The following CD2AP variants were observed in gnomAD, a reference collection of about 807,000 sequenced individuals.
The protein encoded by CD2AP is CD2-associated protein.
CD2AP carries 46 observed loss-of-function variants against 85.1 expected under a neutral mutation model. That is an observed-to-expected ratio of 0.54 (90% CI 0.43 to 0.69). The LOEUF is 0.69. Among genes scored for constraint, CD2AP ranks in the 30% least tolerant of loss-of-function variants. The pLI is 0.00. For missense variants in CD2AP, 769 were observed against 729.5 expected (o/e 1.05, Z -0.62); for synonymous variants, 255 against 252.9 (o/e 1.01, Z -0.08).
At chr6:47,550,787 C>T (rs1304064712) in intron 4 of CD2AP, among the ~76,000 whole-genome samples, 4 of 152,114 alleles carry the variant, frequency 2.6e-5, no homozygotes, top group African/African-American at 7.2e-5. Flanking sequence ...ACCTTAATGC[C>T]CATCAGTCAA....
intron 1 of CD2AP, among the ~76,000 whole-genome samples, chr6:47,501,429 G>A (rs561202316): frequency 6.6e-6 from 1 of 152,296 alleles, no homozygotes; most frequent in East Asian, 1.9e-4. Flanking sequence ...TGTACTTAGT[G>A]TCTGAGAAGT....
Position 47,478,072 on chromosome 6 carries a change from T to G in CD2AP, c.-173T>G. 1 of 807,840 alleles carries G rather than the reference T, an allele frequency of 1.2e-6. No individual in the cohort carries two copies. 50.0% of individuals were successfully genotyped at this position (807,840 alleles called of 1,614,324 possible). On this transcript the variant is annotated 5_prime_UTR_variant, in exon 1 of 18. Coordinates refer to ENST00000359314, the MANE Select transcript of CD2AP (RefSeq NM_012120.3). ...GCCTCGAGGGCCGCGCTGAAGAGAC[T>G]GGTAGGAGAGCGCCGCGGGCGGATG...
chr6:47,496,720 A>G lies in CD2AP; in HGVS notation c.5-6560A>G, dbSNP rs183410731. Among the ~76,000 whole-genome samples, 91 of 152,306 alleles carry G rather than the reference A, an allele frequency of 6.0e-4. 2 individuals carry two copies. The East Asian group carries it at 0.016, about 27-fold the overall frequency. ...TTCTCTGCTTCTATTCTCATTCTCC[A>G]TAGGGAAACCACTGTCTAAATCTAT... is the stretch of plus-strand genomic sequence containing the variant. On this transcript the variant is annotated intron_variant, in intron 1 of 17. Coordinates refer to ENST00000359314, the MANE Select transcript of CD2AP (RefSeq NM_012120.3).
rs568314171 is a variant in CD2AP at position 47,526,603 on chromosome 6, A to G, written c.166-6999A>G. 1.6e-4 allele frequency among the ~76,000 whole-genome samples: 25 copies of G among 152,288 alleles called. No homozygotes were observed. The South Asian group carries it at 4.4e-3, about 27-fold the overall frequency. On this transcript the variant is annotated intron_variant, in intron 2 of 17. Transcript: ENST00000359314. The stretch of plus-strand genomic sequence containing the variant: ...TCTAGATCTTGAGCAATGAATTCAT[A>G]TATCATGTTAACATTGTTTTACAGC...
intron 3 of CD2AP, among the ~76,000 whole-genome samples, chr6:47,540,055 C>T (rs955631854): frequency 1.5e-4 from 22 of 150,528 alleles, no homozygotes; most frequent in Admixed American, 1.3e-4. Flanking sequence ...TGGTGGTGAG[C>T]GCCTGTGGTC....
intron 1 of CD2AP, among the ~76,000 whole-genome samples, chr6:47,500,113 C>G (rs1317834035): frequency 6.6e-6 from 1 of 152,208 alleles, no homozygotes; most frequent in East Asian, 1.9e-4. Flanking sequence ...ATTCATTGCT[C>G]TGAGAAACCA....
chr6:47,560,770 A>G (rs1244222104), intron 5 of CD2AP, among the ~76,000 whole-genome samples: 5 of 152,136 alleles, frequency 3.3e-5, no homozygotes, highest in African/African-American at 1.2e-4. Context: ...TCTTCTTACA[A>G]TAAGTGTTTC....
At chr6:47,595,302 T>C (rs1768909006) in intron 11 of CD2AP, among the ~76,000 whole-genome samples, 1 of 152,010 alleles carries the variant, frequency 6.6e-6, no homozygotes. Context: ...TTAATAAAAT[T>C]CTTAGTGCAG....
chr6:47,539,424 C>CTATTTGGTATTTTTG (rs1767146564), intron 3 of CD2AP, among the ~76,000 whole-genome samples: 1 of 152,112 alleles, frequency 6.6e-6, no homozygotes, highest in African/African-American at 2.4e-5. Context: ...GGCAGACCCA[C>CTATTTGGTATTTTTG]AGAAATAAGC....
At chr6:47,566,685 A>G (rs1218391902) in intron 5 of CD2AP, among the ~76,000 whole-genome samples, 1 of 151,430 alleles carries the variant, frequency 6.6e-6, no homozygotes, top group Admixed American at 6.6e-5. Context: ...TCATTGTTCA[A>G]CTCCCACTAA....
At chr6:47,513,893 G>GT (rs200745225) in intron 2 of CD2AP, among the ~76,000 whole-genome samples, 34 of 135,254 alleles carry the variant, frequency 2.5e-4, no homozygotes, top group Admixed American at 7.2e-4. Context: ...ATTTTTTTTT[G>GT]GGGGGGGGGC....
intron 1 of CD2AP, among the ~76,000 whole-genome samples, chr6:47,502,693 C>T (rs1766027437): frequency 6.6e-6 from 1 of 151,976 alleles, no homozygotes; most frequent in Non-Finnish European, 1.5e-5. Context: ...GGGGTTTCAC[C>T]AGGTTGGCCG....
chr6:47,596,170 GT>G (rs1768941003), intron 12 of CD2AP, 144 bp downstream of exon 12: 2 of 665,154 alleles, frequency 3.0e-6, no homozygotes, highest in Non-Finnish European at 5.3e-6. Flanking sequence ...ACAATTGTGT[GT>G]ATTTATTGTA....
chr6:47,576,910 A>G, intron 7 of CD2AP, 99 bp from the exon 8 acceptor site: 1 of 767,920 alleles, frequency 1.3e-6, no homozygotes, highest in Non-Finnish European at 2.3e-6. Flanking sequence ...GTTCATCTCT[A>G]ATAACTTTTA....
chr6:47,566,181 A>G (rs941485908), intron 5 of CD2AP, among the ~76,000 whole-genome samples: 3 of 151,572 alleles, frequency 2.0e-5, no homozygotes, highest in Non-Finnish European at 4.4e-5. Flanking sequence ...GCTCTGTGTA[A>G]AACAGCAGAA....
intron 2 of CD2AP, among the ~76,000 whole-genome samples, chr6:47,522,553 T>A (rs916059507): frequency 6.6e-6 from 1 of 152,202 alleles, no homozygotes; most frequent in Non-Finnish European, 1.5e-5. Flanking sequence ...TTTGATCCCT[T>A]GTGAAGAGTT....
At chr6:47,590,133 A>C (rs1047273671) in intron 11 of CD2AP, among the ~76,000 whole-genome samples, 4 of 152,158 alleles carry the variant, frequency 2.6e-5, no homozygotes, top group Non-Finnish European at 5.9e-5. Context: ...CATGGCTAGA[A>C]ACCAAGAACA....
chr6:47,479,910 G>T (rs1037088468), intron 1 of CD2AP, among the ~76,000 whole-genome samples: 17 of 152,040 alleles, frequency 1.1e-4, no homozygotes, highest in African/African-American at 4.1e-4. Flanking sequence ...TAGAAGTGTG[G>T]AAATCATATT....
chr6:47,598,986 G>A (rs147319099), intron 12 of CD2AP, among the ~76,000 whole-genome samples: 1 of 150,234 alleles, frequency 6.7e-6, no homozygotes, highest in African/African-American at 2.4e-5. Context: ...TCTCACTGTT[G>A]CTTACCTTCC....
Sources: allele counts gnomAD v4.1 joint callset (sites outside exome capture counted in the v4.1 genomes callset), GRCh38; gene constraint gnomAD v4.1.1; transcripts MANE v1.5; gene names NCBI Gene and HGNC (gene_info 2026-07-23, HGNC 2026-07-21).